The following SGCZ variants were observed in gnomAD, a reference collection of about 807,000 sequenced individuals.
SGCZ encodes the protein zeta-sarcoglycan.
SGCZ carries 40 observed loss-of-function variants against 41.3 expected under a neutral mutation model. The observed-to-expected ratio is 0.97, with a 90% CI of 0.75 to 1.26. The LOEUF is 1.26. SGCZ is among the 50% of genes most tolerant of loss of function. SGCZ has a pLI of 0.00. For missense variants in SGCZ, 552 were observed against 369.8 expected, an observed-to-expected ratio of 1.49 and a Z score of -4.04; for synonymous variants, 206 against 137.5, an observed-to-expected ratio of 1.50 and a Z score of -3.49.
intron 1 of SGCZ, among the ~76,000 whole-genome samples, chr8:14,708,005 G>A (rs1187215245): frequency 6.6e-6 from 1 of 151,910 alleles, no homozygotes; most frequent in South Asian, 2.1e-4. Context: ...GATCAGGAAA[G>A]CAACTAAAGG....
intron 2 of SGCZ, among the ~76,000 whole-genome samples, chr8:14,426,837 G>A (rs1230167298): frequency 6.6e-6 from 1 of 151,932 alleles, no homozygotes; most frequent in Non-Finnish European, 1.5e-5. Context: ...TATCATGAAG[G>A]GATTGAATGG....
chr8:14,232,207 A>C (rs1353323268), intron 4 of SGCZ, among the ~76,000 whole-genome samples: 1 of 151,916 alleles, frequency 6.6e-6, no homozygotes, highest in East Asian at 1.9e-4. Context: ...TGAGAAGTGC[A>C]AATGAACAAT....
chr8:14,820,162 T>G (rs1421946221), intron 1 of SGCZ, among the ~76,000 whole-genome samples: 1 of 151,676 alleles, frequency 6.6e-6, no homozygotes, highest in African/African-American at 2.4e-5. Flanking sequence ...AAGACAAACA[T>G]CAACTAAATG....
chr8:14,572,719 A>G (rs1160951970), intron 1 of SGCZ, among the ~76,000 whole-genome samples: 1 of 152,122 alleles, frequency 6.6e-6, no homozygotes, highest in African/African-American at 2.4e-5. Flanking sequence ...GTACCACTCA[A>G]TTAAAGTATC....
chr8:14,688,040 T>C (rs1808674861), intron 1 of SGCZ, among the ~76,000 whole-genome samples: 1 of 152,016 alleles, frequency 6.6e-6, no homozygotes. Flanking sequence ...TTTGATGGGG[T>C]TGTTTGTTTT....
In SGCZ at chr8:15,161,773, A is replaced by T. The variant is rs115358535; in HGVS notation, c.39+75812T>A. On this transcript the variant is annotated intron_variant, in intron 1 of 7. Coordinates refer to ENST00000382080, the MANE Select transcript of SGCZ (RefSeq NM_139167.4). ...AAAGAGGCTGGGTGCCGTGGCTCAC[A>T]TCTATAATCCTAGCACTTTGGAAGG... Among the ~76,000 whole-genome samples, 1,021 of 152,316 alleles carry T rather than the reference A, an allele frequency of 6.7e-3. 16 individuals carry two copies. Among genetic ancestry groups the T allele is most frequent in the African/African-American group, 0.023 (955 of 41,570 alleles).
At chr8:14,138,923 C>A (rs996310984) in intron 5 of SGCZ, among the ~76,000 whole-genome samples, 4 of 152,144 alleles carry the variant, frequency 2.6e-5, no homozygotes, top group African/African-American at 9.7e-5. Flanking sequence ...TATTCCAAAA[C>A]TGACCACATA....
intron 1 of SGCZ, among the ~76,000 whole-genome samples, chr8:15,224,092 G>C (rs1401182616): frequency 2.6e-5 from 4 of 152,160 alleles, no homozygotes; most frequent in Non-Finnish European, 5.9e-5. Flanking sequence ...CCGACCTCAA[G>C]TGATCTGCCT....
chr8:15,051,280 T>G (rs996373381), intron 1 of SGCZ, among the ~76,000 whole-genome samples: 2 of 152,158 alleles, frequency 1.3e-5, no homozygotes, highest in African/African-American at 4.8e-5. Flanking sequence ...AAAAGAATAT[T>G]TATTCTTAAT....
rs1036277609 is a variant in SGCZ at position 14,985,317 on chromosome 8, A to T, written c.39+252268T>A. Among the ~76,000 whole-genome samples the T allele has an allele frequency of 2.0e-5, 3 of 152,192 alleles. No homozygotes were observed. The East Asian group carries it at 5.8e-4, about 29-fold the overall frequency. On this transcript the variant is annotated intron_variant, in intron 1 of 7. Coordinates refer to ENST00000382080, the MANE Select transcript of SGCZ (RefSeq NM_139167.4). ...CTGAAGCTGGTGACAGCATTGGTATACTCTCATGCCCCGTTTTATACATGA... is the reference window on the plus strand; with the variant it reads ...CTGAAGCTGGTGACAGCATTGGTATTCTCTCATGCCCCGTTTTATACATGA...
intron 1 of SGCZ, among the ~76,000 whole-genome samples, chr8:14,927,866 TA>T (rs1313779080): frequency 2.0e-5 from 3 of 152,148 alleles, no homozygotes; most frequent in African/African-American, 7.2e-5. Flanking sequence ...TCCCTACCCA[TA>T]ACAGAAAAGA....
intron 6 of SGCZ, among the ~76,000 whole-genome samples, chr8:14,107,374 C>CT (rs1261782019): frequency 1.3e-5 from 2 of 151,984 alleles, no homozygotes; most frequent in African/African-American, 4.8e-5. Flanking sequence ...GTAGTGAGAG[C>CT]TTTTACATAT....
intron 2 of SGCZ, among the ~76,000 whole-genome samples, chr8:14,440,102 G>A (rs1441171739): frequency 6.6e-6 from 1 of 151,972 alleles, no homozygotes; most frequent in Non-Finnish European, 1.5e-5. Context: ...ATAAGCCAGT[G>A]AATGTATATT....
intron 2 of SGCZ, among the ~76,000 whole-genome samples, chr8:14,460,837 G>A (rs1333195535): frequency 6.6e-6 from 1 of 152,082 alleles, no homozygotes; most frequent in Admixed American, 6.6e-5. Flanking sequence ...GTTTGAGACA[G>A]TATTGTTAAT....
intron 3 of SGCZ, among the ~76,000 whole-genome samples, chr8:14,286,235 A>G (rs1410524988): frequency 1.3e-5 from 2 of 152,120 alleles, no homozygotes; most frequent in Non-Finnish European, 2.9e-5. Flanking sequence ...GACTTTGTCT[A>G]TAGCATATTT....
chr8:14,937,203 G>T (rs993779125), intron 1 of SGCZ, among the ~76,000 whole-genome samples: 1 of 151,766 alleles, frequency 6.6e-6, no homozygotes, highest in Non-Finnish European at 1.5e-5. Context: ...ATTAAAGCTA[G>T]ATCAAAAATA....
At chr8:14,697,982 C>A (rs547714689) in intron 1 of SGCZ, among the ~76,000 whole-genome samples, 1 of 151,926 alleles carries the variant, frequency 6.6e-6, no homozygotes, top group Non-Finnish European at 1.5e-5. Context: ...ATTTGTTGAA[C>A]GTTTAGTCTG....
At chr8:14,672,043 G>C (rs1015504078) in intron 1 of SGCZ, among the ~76,000 whole-genome samples, 1 of 151,998 alleles carries the variant, frequency 6.6e-6, no homozygotes, top group Admixed American at 6.6e-5. Context: ...CTTAGCTACC[G>C]ACCCAGAAGT....
chr8:14,355,423 C>G (rs1190206620), intron 2 of SGCZ, among the ~76,000 whole-genome samples: 2 of 152,056 alleles, frequency 1.3e-5, no homozygotes, highest in Non-Finnish European at 1.5e-5. Flanking sequence ...CAGAGACTTT[C>G]ATTTATTCTT....
Sources: allele counts gnomAD v4.1 joint callset (sites outside exome capture counted in the v4.1 genomes callset), GRCh38; gene constraint gnomAD v4.1.1; transcripts MANE v1.5; gene names NCBI Gene and HGNC (gene_info 2026-07-23, HGNC 2026-07-21).